HMGCLL1: variants seen among roughly 807,000 people sequenced by gnomAD.
HMGCLL1 encodes 3-hydroxymethyl-3-methylglutaryl-CoA lyase, cytoplasmic.
Under a neutral mutation model 39.1 loss-of-function variants are expected in HMGCLL1, and 36 were observed. The observed-to-expected ratio is 0.92, with a 90% confidence interval of 0.71 to 1.22. HMGCLL1 has a LOEUF of 1.22. Ranked by LOEUF, HMGCLL1 falls within the 50% of genes most tolerant of loss-of-function variation. The pLI is 0.00. For missense variants in HMGCLL1, 451 were observed against 416.5 expected, an observed-to-expected ratio of 1.08 and a Z score of -0.72; for synonymous variants, 149 against 144.0, an observed-to-expected ratio of 1.03 and a Z score of -0.25.
At chr6:55,543,488 GA>G (rs1561951711) in intron 1 of HMGCLL1, among the ~76,000 whole-genome samples, 10 of 8,480 alleles carry the variant, frequency 1.2e-3, no homozygotes, top group African/African-American at 3.0e-3. Flanking sequence ...ATATATATAT[GA>G]TATATATCAT....
intron 3 of HMGCLL1, among the ~76,000 whole-genome samples, chr6:55,521,548 C>T (rs1191739925): frequency 2.6e-5 from 4 of 151,948 alleles, no homozygotes; most frequent in Admixed American, 2.6e-4. Flanking sequence ...AAAACTTTTT[C>T]ATTATTATTA....
Position 55,435,072 on chromosome 6 carries a change from C to A in HMGCLL1, c.*590G>T, listed in dbSNP as rs746018683. On this transcript the variant is annotated 3_prime_UTR_variant, in exon 9 of 9. Transcript: ENST00000274901. ...TATGGCATCTTGCCATTGGCCACAGCCTCTTGGAACCAGATAAAGTCACTG... is the reference window on the plus strand; with the variant it reads ...TATGGCATCTTGCCATTGGCCACAGACTCTTGGAACCAGATAAAGTCACTG... The A allele has an allele frequency of 6.6e-6, 1 of 152,522 alleles. No individual in the cohort carries two copies. The highest frequency in any genetic ancestry group is 1.5e-5 in the Non-Finnish European group (1 of 68,004). The allele number at this position is 152,522 out of a possible 1,614,324, so 9.4% of individuals were successfully genotyped here.
chr6:55,534,041 G>A (rs919242388), intron 3 of HMGCLL1, among the ~76,000 whole-genome samples: 2 of 151,982 alleles, frequency 1.3e-5, no homozygotes, highest in African/African-American at 4.8e-5. Context: ...GGCGGTGTGT[G>A]TTCACTGTTT....
chr6:55,647,769 A>ATTTT, the HMGCLL1 span, among the ~76,000 whole-genome samples: 1 of 74,682 alleles, frequency 1.3e-5, no homozygotes. Flanking sequence ...ATTTTATTTT[A>ATTTT]TTTTTTTTTT....
Position 55,462,454 on chromosome 6 carries a change from A to G in HMGCLL1, c.796-22895T>C, listed in dbSNP as rs544179112. ...CTCTCCCTCACATATCTGCCTTCAC[A>G]CCCTATTTTGGGAATAACAACTGCA... On this transcript the variant is annotated intron_variant, in intron 7 of 8. Transcript: ENST00000274901. Among the ~76,000 whole-genome samples, 4 of 152,024 alleles carry G rather than the reference A, an allele frequency of 2.6e-5. No homozygotes were observed. In the East Asian group the frequency reaches 7.7e-4, roughly 29 times the overall value.
chr6:55,524,991 A>G (rs1280640618), intron 3 of HMGCLL1, among the ~76,000 whole-genome samples: 1 of 151,498 alleles, frequency 6.6e-6, no homozygotes, highest in African/African-American at 2.4e-5. Context: ...ATAGTAATTA[A>G]TATTATCTGT....
the HMGCLL1 span, among the ~76,000 whole-genome samples, chr6:55,652,497 C>T: frequency 2.6e-5 from 4 of 152,022 alleles, no homozygotes; most frequent in Non-Finnish European, 5.9e-5. Flanking sequence ...GAATAAACTG[C>T]TATGAGAATA....
At chr6:55,465,609 A>C (rs967470778) in intron 7 of HMGCLL1, among the ~76,000 whole-genome samples, 1 of 152,016 alleles carries the variant, frequency 6.6e-6, no homozygotes, top group African/African-American at 2.4e-5. Context: ...GATACCCTTT[A>C]TGAGCTTTAG....
At chr6:55,576,937 G>C in intron 1 of HMGCLL1, 1 of 1,144,570 alleles carries the variant, frequency 8.7e-7, no homozygotes. Flanking sequence ...TGAACATCTG[G>C]ACTGGAATTC....
chr6:55,463,428 T>C (rs191584641), intron 7 of HMGCLL1, among the ~76,000 whole-genome samples: 1 of 152,306 alleles, frequency 6.6e-6, no homozygotes, highest in East Asian at 1.9e-4. Flanking sequence ...TTTTAAAAGA[T>C]GTTATATTTC....
chr6:55,506,932 C>A (rs1158094544), intron 5 of HMGCLL1, among the ~76,000 whole-genome samples: 1 of 151,688 alleles, frequency 6.6e-6, no homozygotes, highest in Admixed American at 6.6e-5. Flanking sequence ...AAAATAAATT[C>A]ATGCTGGCTT....
intron 7 of HMGCLL1, among the ~76,000 whole-genome samples, chr6:55,486,743 C>A (rs1461089218): frequency 6.6e-6 from 1 of 152,046 alleles, no homozygotes; most frequent in African/African-American, 2.4e-5. Context: ...TTATCTCCCC[C>A]CTTGTCAGTT....
At chr6:55,664,304 G>A in the HMGCLL1 span, among the ~76,000 whole-genome samples, 2 of 151,740 alleles carry the variant, frequency 1.3e-5, no homozygotes, top group African/African-American at 4.8e-5. Flanking sequence ...TGTATTGGCT[G>A]GTAATGGTCT....
At chr6:55,557,472 C>T (rs1770734263) in intron 1 of HMGCLL1, among the ~76,000 whole-genome samples, 2 of 152,038 alleles carry the variant, frequency 1.3e-5, no homozygotes, top group South Asian at 4.1e-4. Context: ...CACTTGGCTT[C>T]GCTTTCTAAC....
intron 7 of HMGCLL1, among the ~76,000 whole-genome samples, chr6:55,459,105 G>A (rs1350828935): frequency 6.6e-6 from 1 of 152,090 alleles, no homozygotes; most frequent in Non-Finnish European, 1.5e-5. Flanking sequence ...AATTAGTACA[G>A]AATGTTAGCT....
At chr6:55,450,307 G>A (rs1764026807) in intron 7 of HMGCLL1, among the ~76,000 whole-genome samples, 1 of 152,192 alleles carries the variant, frequency 6.6e-6, no homozygotes, top group Admixed American at 6.5e-5. Context: ...GGATAGAGCT[G>A]GCAGAAGATT....
At chr6:55,575,106 A>G (rs1186441248) in intron 1 of HMGCLL1, among the ~76,000 whole-genome samples, 4 of 152,052 alleles carry the variant, frequency 2.6e-5, no homozygotes, top group Admixed American at 2.0e-4. Flanking sequence ...AATTTAATCA[A>G]AACTTTAAAA....
intron 7 of HMGCLL1, among the ~76,000 whole-genome samples, chr6:55,489,836 T>C (rs78045277): frequency 0.028 from 4,337 of 152,214 alleles, 85 homozygotes; most frequent in Admixed American, 0.039. Context: ...ATCTAAGAAA[T>C]TTTCATGAAA....
the HMGCLL1 span, among the ~76,000 whole-genome samples, chr6:55,588,405 G>T: frequency 6.6e-6 from 1 of 151,726 alleles, no homozygotes; most frequent in Non-Finnish European, 1.5e-5. Flanking sequence ...ATTTAAAACA[G>T]TGTATAGAGG....
Sources: gnomAD v4.1 joint callset for allele counts (sites outside exome capture counted in the v4.1 genomes callset) on GRCh38, gnomAD v4.1.1 for gene constraint, MANE v1.5 for transcripts, NCBI Gene and HGNC (gene_info 2026-07-23, HGNC 2026-07-21) for gene names.